The following CERKL variants were observed in gnomAD, a reference collection of about 807,000 sequenced individuals.
CERKL encodes CERK like autophagy regulator.
CERKL carries 61 observed loss-of-function variants against 63.4 expected under a neutral mutation model. The ratio of observed to expected loss-of-function variants is 0.96; its 90% CI spans 0.78 to 1.19. The LOEUF is 1.19. Among genes scored for constraint, CERKL ranks in the 50% most tolerant of loss-of-function variants. The pLI is 0.00. For missense variants in CERKL, 675 were observed against 655.5 expected (o/e 1.03, Z -0.33); for synonymous variants, 250 against 230.5 (o/e 1.08, Z -0.77).
chr2:181,556,517 GT>G (rs1441538567), intron 5 of CERKL, among the ~76,000 whole-genome samples: 3 of 152,022 alleles, frequency 2.0e-5, no homozygotes, highest in East Asian at 3.9e-4. Context: ...CCTTGTGATG[GT>G]TTGCTGAGAA....
At chr2:181,647,718 G>A (rs1372881532) in intron 1 of CERKL, among the ~76,000 whole-genome samples, 1 of 152,002 alleles carries the variant, frequency 6.6e-6, no homozygotes, top group African/African-American at 2.4e-5. Context: ...AAGGACACAC[G>A]ACACTGCCAA....
chr2:181,597,763 T>C (rs114322939), intron 2 of CERKL, among the ~76,000 whole-genome samples: 2,955 of 152,256 alleles, frequency 0.019, 87 homozygotes, highest in African/African-American at 0.068. Context: ...TTCTCTACCC[T>C]TGAGTCTCTG....
intron 3 of CERKL, among the ~76,000 whole-genome samples, chr2:181,572,292 T>C (rs1019173937): frequency 6.6e-6 from 1 of 152,226 alleles, no homozygotes; most frequent in Non-Finnish European, 1.5e-5. Flanking sequence ...ATAATGGTTT[T>C]AAGCATTTTT....
chr2:181,565,411 C>T (rs760784019), intron 4 of CERKL: 64 of 1,576,872 alleles, frequency 4.1e-5, no homozygotes, highest in Non-Finnish European at 5.5e-5. Flanking sequence ...TAAAAAATGG[C>T]AATGAAATTT....
chr2:181,632,724 G>A (rs1221405826), intron 1 of CERKL, among the ~76,000 whole-genome samples: 1 of 152,140 alleles, frequency 6.6e-6, no homozygotes, highest in Non-Finnish European at 1.5e-5. Flanking sequence ...ACCTGAAGGC[G>A]CTTTTCCATG....
At position 181,589,935 on chromosome 2, in the gene CERKL, C is replaced by T. The variant is rs1684920319; in HGVS notation, c.481+13902G>A. 2.0e-5 allele frequency among the ~76,000 whole-genome samples: 3 copies of T among 151,992 alleles called. No homozygotes were observed. In the South Asian group the frequency reaches 6.2e-4, roughly 32 times the overall value. On this transcript the variant is annotated intron_variant, in intron 2 of 12. Transcript: ENST00000410087. The stretch of plus-strand genomic sequence containing the variant: ...GACCTCCCCAGGCTCATGTGACCAG[C>T]CCGAGTAACTGGGACTACTGGTGCA...
chr2:181,656,936 T>G lies in CERKL; in HGVS notation c.71A>C (p.Glu24Ala), dbSNP rs1298949028. The change falls in exon 1 of 13, where the codon GAG (glutamate) becomes GCG (alanine). Residue 24 changes from glutamate (E) to alanine (A), a missense_variant. Physicochemically the swap from Glu to Ala is moderately radical, Grantham distance 107. Transcript: ENST00000410087. ...EGGREEEAPP[E>A]AAAVPPALLT... ...CAGCGCCGGAGGCACAGCGGCAGCC[T>G]CCGGGGGCGCCTCTTCCTCCCGGCC... The G allele has an allele frequency of 3.1e-6, 5 of 1,589,392 alleles. No homozygotes were observed. The highest frequency in any genetic ancestry group is 2.0e-4 in the Middle Eastern group (1 of 4,988).
chr2:181,549,711 G>T lies in CERKL; in HGVS notation c.821-3C>A. ...ATGTGCCAATACATTGGTAGATCCT[G>T]CCAAAGCAATTTTAAAACATGCACT... On this transcript the variant is annotated splice_region_variant and splice_polypyrimidine_tract_variant and intron_variant, in intron 5 of 12. Transcript: ENST00000410087. 2 of 1,606,602 alleles carry T rather than the reference G, an allele frequency of 1.2e-6. No homozygotes were observed. The highest frequency in any genetic ancestry group is 1.7e-6 in the Non-Finnish European group (2 of 1,173,510).
chr2:181,567,800 C>A (rs1267291427), intron 3 of CERKL, among the ~76,000 whole-genome samples: 8 of 152,092 alleles, frequency 5.3e-5, no homozygotes, highest in Non-Finnish European at 7.4e-5. Context: ...AAAGAGTGAT[C>A]TGGATTACTA....
At chr2:181,576,534 C>G (rs1377981586) in intron 2 of CERKL, among the ~76,000 whole-genome samples, 1 of 152,192 alleles carries the variant, frequency 6.6e-6, no homozygotes, top group Admixed American at 6.5e-5. Context: ...CACCCTCGAG[C>G]CTTACAGGCA....
intron 5 of CERKL, among the ~76,000 whole-genome samples, chr2:181,553,089 G>T (rs1688056592): frequency 6.6e-6 from 1 of 152,140 alleles, no homozygotes; most frequent in Non-Finnish European, 1.5e-5. Flanking sequence ...TGTGTTTGGA[G>T]GAGGGAGGAC....
intron 5 of CERKL, among the ~76,000 whole-genome samples, chr2:181,557,149 T>C (rs957025663): frequency 1.3e-5 from 2 of 152,182 alleles, no homozygotes; most frequent in Admixed American, 1.3e-4. Context: ...AGCCCTTTGT[T>C]AGATGAGTAG....
intron 1 of CERKL, among the ~76,000 whole-genome samples, chr2:181,608,225 T>C (rs978421123): frequency 6.6e-6 from 1 of 152,018 alleles, no homozygotes; most frequent in Non-Finnish European, 1.5e-5. Context: ...TTCTAAACGG[T>C]TGTCTATTTT....
chr2:181,647,503 C>T (rs1304397736), intron 1 of CERKL, among the ~76,000 whole-genome samples: 1 of 152,098 alleles, frequency 6.6e-6, no homozygotes, highest in African/African-American at 2.4e-5. Context: ...GGAAATCAGA[C>T]ATTGCTGTGA....
At chr2:181,625,203 A>C (rs1686631009) in intron 1 of CERKL, among the ~76,000 whole-genome samples, 1 of 152,194 alleles carries the variant, frequency 6.6e-6, no homozygotes, top group Non-Finnish European at 1.5e-5. Context: ...GCATAGTGTG[A>C]CTACTTGTCA....
chr2:181,543,824 A>G (rs1687609920), intron 11 of CERKL, among the ~76,000 whole-genome samples: 1 of 152,050 alleles, frequency 6.6e-6, no homozygotes, highest in East Asian at 1.9e-4. Context: ...TCTCTACCAA[A>G]AATATAAAAA....
chr2:181,656,755 G>GGCCGGGCACTCACCC lies in CERKL; in HGVS notation c.237_238+13dup, dbSNP rs746128841. On this transcript the variant is annotated intron_variant, in intron 1 of 12. Coordinates refer to ENST00000410087, the MANE Select transcript of CERKL (RefSeq NM_201548.5). Reference sequence around the variant, plus strand: ...CGCGGAGGGAGGCGAAGACGCTTGGGGCCGGGCACTCACCCGCCGGGCGCT... The same window carrying GGCCGGGCACTCACCC: ...CGCGGAGGGAGGCGAAGACGCTTGGGGCCGGGCACTCACCCGCCGGGCACTCACCCGCCGGGCGCT... The GGCCGGGCACTCACCC allele has an allele frequency of 1.3e-6, 2 of 1,581,346 alleles. No homozygotes were observed. The highest frequency in any genetic ancestry group is 1.7e-5 in the Admixed American group (1 of 58,030).
intron 1 of CERKL, among the ~76,000 whole-genome samples, chr2:181,654,405 G>T (rs913702232): frequency 2.0e-5 from 3 of 152,082 alleles, no homozygotes; most frequent in African/African-American, 7.2e-5. Context: ...TAATGTCTTT[G>T]CTTATTACTC....
chr2:181,630,509 G>A (rs778334688), intron 1 of CERKL, among the ~76,000 whole-genome samples: 2 of 152,154 alleles, frequency 1.3e-5, no homozygotes, highest in Non-Finnish European at 1.5e-5. Context: ...GTTAAATGAG[G>A]TCATAGCATA....
Sources: gnomAD v4.1 joint callset for allele counts (sites outside exome capture counted in the v4.1 genomes callset) on GRCh38, gnomAD v4.1.1 for gene constraint, MANE v1.5 for transcripts, NCBI Gene and HGNC (gene_info 2026-07-23, HGNC 2026-07-21) for gene names.